Variants in GPC5 observed in about 807,000 individuals in gnomAD.
The protein encoded by GPC5 is glypican 5, also known as glypican-5.
GPC5 carries 47 observed loss-of-function variants against 53.9 expected under a neutral mutation model. That is an observed-to-expected ratio of 0.87 (90% confidence interval 0.69 to 1.11). GPC5 has a LOEUF of 1.11. Among genes scored for constraint, GPC5 ranks in the 50% most tolerant of loss-of-function variants. The pLI, the probability that GPC5 is intolerant of heterozygous loss-of-function variation, is 0.00. For synonymous variants in GPC5, 286 were observed against 263.3 expected (o/e 1.09, Z -0.84); for missense variants, 748 against 713.1 (o/e 1.05, Z -0.56).
chr13:92,391,120 C>T (rs2374004), intron 7 of GPC5, among the ~76,000 whole-genome samples: 62,515 of 151,904 alleles, frequency 0.41, 14,512 homozygotes, highest in East Asian at 0.54. Context: ...AGAGGCATCA[C>T]AAATCACATT....
chr13:91,631,568 G>A (rs925072650), intron 2 of GPC5, among the ~76,000 whole-genome samples: 4 of 152,006 alleles, frequency 2.6e-5, no homozygotes, highest in Admixed American at 2.6e-4. Context: ...TGAGCACTGC[G>A]TGTGCCACAG....
chr13:92,358,926 C>CTA (rs1372145010), intron 7 of GPC5, among the ~76,000 whole-genome samples: 1 of 151,672 alleles, frequency 6.6e-6, no homozygotes, highest in East Asian at 1.9e-4. Flanking sequence ...ATTGTCTTGG[C>CTA]TATTAACATT....
intron 1 of GPC5, among the ~76,000 whole-genome samples, chr13:91,435,391 A>G (rs910840483): frequency 3.9e-5 from 6 of 152,292 alleles, no homozygotes; most frequent in African/African-American, 1.4e-4. Flanking sequence ...AGTTTTTAGC[A>G]TGAAGGGTTG....
At chr13:92,797,777 T>C (rs1876737687) in intron 7 of GPC5, among the ~76,000 whole-genome samples, 1 of 151,458 alleles carries the variant, frequency 6.6e-6, no homozygotes, top group African/African-American at 2.4e-5. Flanking sequence ...TAGATAGATA[T>C]AGACAGATAG....
At chr13:92,445,236 G>T (rs1877751109) in intron 7 of GPC5, among the ~76,000 whole-genome samples, 5 of 139,504 alleles carry the variant, frequency 3.6e-5, no homozygotes, top group African/African-American at 8.1e-5. Flanking sequence ...AGATGTATAG[G>T]TTCCTTTCCT....
chr13:92,639,345 C>T (rs1044839543), intron 7 of GPC5, among the ~76,000 whole-genome samples: 1 of 152,140 alleles, frequency 6.6e-6, no homozygotes, highest in African/African-American at 2.4e-5. Flanking sequence ...TTCCTTTGTT[C>T]CATTCCAGCT....
At chr13:92,032,934 A>T (rs2138810939) in intron 6 of GPC5, among the ~76,000 whole-genome samples, 1 of 151,364 alleles carries the variant, frequency 6.6e-6, no homozygotes. Flanking sequence ...GGACTGGTTT[A>T]CTCCTTGCCT....
chr13:91,479,999 C>G (rs1355546984), intron 2 of GPC5, among the ~76,000 whole-genome samples: 1 of 152,094 alleles, frequency 6.6e-6, no homozygotes, highest in Admixed American at 6.6e-5. Context: ...TTTTTATGCT[C>G]TAATTACTGT....
At position 91,503,167 on chromosome 13, in the gene GPC5, T is replaced by A. The variant is rs566352528; in HGVS notation, c.325+54245T>A. On this transcript the variant is annotated intron_variant, in intron 2 of 7. Coordinates refer to ENST00000377067, the MANE Select transcript of GPC5 (RefSeq NM_004466.6). Reference sequence around the variant, plus strand: ...CAGCACAGAGAGAAAGAGAGAGAAATTCCAGGCATGAGAAAGTAATATACA... The same window carrying A: ...CAGCACAGAGAGAAAGAGAGAGAAAATCCAGGCATGAGAAAGTAATATACA... Among the ~76,000 whole-genome samples, 251 of 150,910 alleles carry A rather than the reference T, an allele frequency of 1.7e-3. 2 individuals are homozygous for A. Among genetic ancestry groups the A allele is most frequent in the African/African-American group, 6.0e-3 (246 of 41,186 alleles).
At chr13:92,225,073 A>G (rs2042475292) in intron 7 of GPC5, among the ~76,000 whole-genome samples, 1 of 141,070 alleles carries the variant, frequency 7.1e-6, no homozygotes, top group South Asian at 2.1e-4. Flanking sequence ...TCCTAGCCCC[A>G]TACCACCTGT....
intron 7 of GPC5, among the ~76,000 whole-genome samples, chr13:92,551,811 A>G (rs1176713009): frequency 1.3e-5 from 2 of 151,902 alleles, no homozygotes; most frequent in Non-Finnish European, 2.9e-5. Flanking sequence ...CCATGGAAAT[A>G]GAAAACTAAT....
chr13:92,756,340 A>G (rs1874871056), intron 7 of GPC5, among the ~76,000 whole-genome samples: 2 of 152,148 alleles, frequency 1.3e-5, no homozygotes, highest in Admixed American at 6.6e-5. Flanking sequence ...TAAAAATAAT[A>G]AGAGCTATCT....
At chr13:92,206,176 T>G (rs1331422265) in intron 7 of GPC5, among the ~76,000 whole-genome samples, 1 of 147,864 alleles carries the variant, frequency 6.8e-6, no homozygotes. Context: ...TATTTTTTTT[T>G]TTTTTTTGAG....
At chr13:92,628,477 T>A (rs1885130032) in intron 7 of GPC5, among the ~76,000 whole-genome samples, 1 of 151,830 alleles carries the variant, frequency 6.6e-6, no homozygotes, top group Non-Finnish European at 1.5e-5. Context: ...GGGTCAGCAG[T>A]GTTGAGGATT....
At chr13:92,708,629 GA>G (rs1157695647) in intron 7 of GPC5, among the ~76,000 whole-genome samples, 1 of 152,044 alleles carries the variant, frequency 6.6e-6, no homozygotes, top group African/African-American at 2.4e-5. Flanking sequence ...GTCAGAGAGT[GA>G]AAGTTTGATA....
chr13:91,766,150 A>G (rs1247313966), intron 5 of GPC5, among the ~76,000 whole-genome samples: 1 of 152,234 alleles, frequency 6.6e-6, no homozygotes, highest in Non-Finnish European at 1.5e-5. Context: ...ACACAGAACA[A>G]ATATTTACAA....
chr13:91,578,896 A>T (rs1007508011), intron 2 of GPC5, among the ~76,000 whole-genome samples: 1 of 151,924 alleles, frequency 6.6e-6, no homozygotes, highest in Admixed American at 6.6e-5. Context: ...AACATAAAAA[A>T]ATTAGCTGGG....
In GPC5 at chr13:92,619,108, ATACTT is replaced by A. The variant is rs145666902; in HGVS notation, c.1562-247173_1562-247169del. 5.9e-3 allele frequency among the ~76,000 whole-genome samples: 899 copies of A among 152,084 alleles called. 12 individuals carry two copies. The highest frequency in any genetic ancestry group is 0.02 in the African/African-American group (850 of 41,578). ...CTTTGTGTTTAAAATAATAAAGAAA[ATACTT>A]AAGGGGCTTCTTTTCAAACAATTGT... On this transcript the variant is annotated intron_variant, in intron 7 of 7. Coordinates refer to ENST00000377067, the MANE Select transcript of GPC5 (RefSeq NM_004466.6).
chr13:92,500,057 TAA>T (rs1880123748), intron 7 of GPC5, among the ~76,000 whole-genome samples: 1 of 152,160 alleles, frequency 6.6e-6, no homozygotes, highest in Non-Finnish European at 1.5e-5. Context: ...TTTCCTTTTT[TAA>T]AAGTTTCTCC....
Sources: allele counts gnomAD v4.1 joint callset (sites outside exome capture counted in the v4.1 genomes callset), GRCh38; gene constraint gnomAD v4.1.1; transcripts MANE v1.5; gene names NCBI Gene and HGNC (gene_info 2026-07-23, HGNC 2026-07-21).